COL5A2: variants seen among roughly 807,000 people sequenced by gnomAD.
COL5A2 encodes the protein collagen alpha-2(V) chain.
Under a neutral mutation model 208.2 loss-of-function variants are expected in COL5A2, and 23 were observed. The ratio of observed to expected loss-of-function variants is 0.11; its 90% CI spans 0.08 to 0.16. The LOEUF (loss-of-function observed/expected upper bound fraction) is 0.16. Among genes scored for constraint, COL5A2 ranks in the 10% least tolerant of loss-of-function variants. The probability of loss-of-function intolerance (pLI) is 1.00; values close to 1 mark genes in which losing one functional copy is unlikely to be tolerated. For missense variants in COL5A2, 1,590 were observed against 1,956.4 expected, an observed-to-expected ratio of 0.81 and a Z score of 3.53; for synonymous variants, 625 against 628.5, an observed-to-expected ratio of 0.99 and a Z score of 0.08.
At chr2:189,108,870 C>A (rs1356305101) in intron 2 of COL5A2, among the ~76,000 whole-genome samples, 1 of 151,398 alleles carries the variant, frequency 6.6e-6, no homozygotes, top group Non-Finnish European at 1.5e-5. Context: ...ATTTCATCTT[C>A]ATTTCTTTGT....
chr2:189,239,259 A>G, the COL5A2 span, among the ~76,000 whole-genome samples: 1 of 151,990 alleles, frequency 6.6e-6, no homozygotes, highest in Non-Finnish European at 1.5e-5. Context: ...AATAATTATA[A>G]TAGAATAATG....
At chr2:189,307,870 TC>T in the COL5A2 span, among the ~76,000 whole-genome samples, 1 of 152,332 alleles carries the variant, frequency 6.6e-6, no homozygotes, top group East Asian at 1.9e-4. Flanking sequence ...CTGCCCATGA[TC>T]TTTTTTATCC....
chr2:189,436,586 A>G, the COL5A2 span, among the ~76,000 whole-genome samples: 19 of 152,174 alleles, frequency 1.2e-4, no homozygotes, highest in Non-Finnish European at 2.9e-5. Flanking sequence ...AATACTGAAG[A>G]CGTGGAATCA....
rs910132201 is a variant in COL5A2, at chr2:189,204,951, C to T, written c.-42+20197G>A. ...TAAAACTCTAAACTAGTTAAAACTA[C>T]CACACATCTTTCTGCAGCATTCTCT... On this transcript the variant is annotated intron_variant, in intron 1 of 10. Transcript: ENST00000649966. 3.3e-5 allele frequency among the ~76,000 whole-genome samples: 5 copies of T among 152,154 alleles called. No homozygotes were observed. The South Asian group carries it at 6.2e-4, about 19-fold the overall frequency.
intron 49 of COL5A2, among the ~76,000 whole-genome samples, chr2:189,042,298 C>G (rs1685578082): frequency 6.6e-6 from 1 of 152,118 alleles, no homozygotes; most frequent in Non-Finnish European, 1.5e-5. Flanking sequence ...TTATTATTTA[C>G]TTCCAAATTA....
At chr2:189,424,981 A>G in the COL5A2 span, among the ~76,000 whole-genome samples, 1 of 152,238 alleles carries the variant, frequency 6.6e-6, no homozygotes, top group Non-Finnish European at 1.5e-5. Flanking sequence ...ATGGAACAAA[A>G]TAGCCCAGAA....
chr2:189,331,183 A>G, the COL5A2 span, among the ~76,000 whole-genome samples: 129,891 of 152,176 alleles, frequency 0.85, 56,624 homozygotes, highest in Non-Finnish European at 0.95. Flanking sequence ...GTCATTTGAT[A>G]ACCTAATAGC....
intron 1 of COL5A2, among the ~76,000 whole-genome samples, chr2:189,222,380 T>G (rs1205837976): frequency 6.6e-6 from 1 of 152,202 alleles, no homozygotes; most frequent in Non-Finnish European, 1.5e-5. Context: ...AGAAATCATT[T>G]TAGAAACAAT....
the COL5A2 span, among the ~76,000 whole-genome samples, chr2:189,414,034 C>T: frequency 2.0e-5 from 3 of 152,016 alleles, no homozygotes; most frequent in African/African-American, 4.8e-5. Flanking sequence ...TCAGGTGATC[C>T]GGCCACCTCC....
At chr2:189,140,331 C>T (rs747848263) in intron 1 of COL5A2, among the ~76,000 whole-genome samples, 48 of 152,122 alleles carry the variant, frequency 3.2e-4, no homozygotes, top group Non-Finnish European at 5.9e-4. Context: ...CAATGAAGAA[C>T]ACAGCCCTCT....
At chr2:189,363,632 GA>G in the COL5A2 span, among the ~76,000 whole-genome samples, 2 of 151,996 alleles carry the variant, frequency 1.3e-5, no homozygotes, top group Admixed American at 1.3e-4. Context: ...CACCCACCTA[GA>G]AAAGTATGGT....
chr2:189,409,060 G>A, the COL5A2 span, among the ~76,000 whole-genome samples: 2 of 151,962 alleles, frequency 1.3e-5, no homozygotes, highest in Non-Finnish European at 2.9e-5. Flanking sequence ...TCCTTCTTTA[G>A]AGATATACTT....
chr2:189,182,459 G>T (rs7419888), upstream of COL5A2, among the ~76,000 whole-genome samples: 90,459 of 151,986 alleles, frequency 0.6, 27,979 homozygotes, highest in East Asian at 0.72. Flanking sequence ...ACTCCAGAGT[G>T]AATGTTCTCA....
chr2:189,435,160 T>C, the COL5A2 span, among the ~76,000 whole-genome samples: 1 of 152,056 alleles, frequency 6.6e-6, no homozygotes, highest in Admixed American at 6.6e-5. Context: ...CCTTACACCT[T>C]ATACAAAAAT....
At chr2:189,086,476 A>C (rs1225749486) in intron 9 of COL5A2, among the ~76,000 whole-genome samples, 1 of 152,210 alleles carries the variant, frequency 6.6e-6, no homozygotes. Context: ...ATGCAAAGTC[A>C]TGTAATTTTG....
At chr2:189,302,755 G>T in the COL5A2 span, among the ~76,000 whole-genome samples, 1 of 152,076 alleles carries the variant, frequency 6.6e-6, no homozygotes, top group African/African-American at 2.4e-5. Context: ...TCATCCCTTT[G>T]TCTGACATAC....
the COL5A2 span, among the ~76,000 whole-genome samples, chr2:189,375,342 A>C: frequency 2.6e-5 from 4 of 152,150 alleles, no homozygotes; most frequent in Non-Finnish European, 4.4e-5. Flanking sequence ...AAACCAATGT[A>C]ATTTACCAAA....
At chr2:189,322,609 C>G in the COL5A2 span, among the ~76,000 whole-genome samples, 4 of 152,286 alleles carry the variant, frequency 2.6e-5, no homozygotes, top group South Asian at 8.3e-4. Context: ...CACATACACC[C>G]TCCCAAGACT....
At chr2:189,353,221 G>A in the COL5A2 span, among the ~76,000 whole-genome samples, 49 of 152,250 alleles carry the variant, frequency 3.2e-4, no homozygotes, top group South Asian at 1.2e-3. Flanking sequence ...GTCAGGTAGC[G>A]TGATGCCTCC....
Sources: allele counts gnomAD v4.1 joint callset (sites outside exome capture counted in the v4.1 genomes callset), GRCh38; gene constraint gnomAD v4.1.1; transcripts MANE v1.5; gene names NCBI Gene and HGNC (gene_info 2026-07-23, HGNC 2026-07-21).